Variants in DHRS7C observed in about 807,000 individuals in gnomAD.
The protein encoded by DHRS7C is dehydrogenase/reductase 7C.
Under a neutral mutation model 29.6 loss-of-function variants are expected in DHRS7C, and 28 were observed. The observed-to-expected ratio is 0.95, with a 90% CI of 0.70 to 1.30. The LOEUF (loss-of-function observed/expected upper bound fraction) is 1.30. Among genes scored for constraint, DHRS7C ranks in the 50% most tolerant of loss-of-function variants. The pLI, the probability that DHRS7C is intolerant of heterozygous loss-of-function variation, is 0.00. For synonymous variants in DHRS7C, 158 were observed against 160.2 expected (o/e 0.99, Z 0.10); for missense variants, 403 against 393.3 (o/e 1.02, Z -0.21).
chr17:9,780,060 G>C (rs2066385130), intron 2 of DHRS7C, 25 bp from the exon 3 acceptor site: 1 of 1,607,404 alleles, frequency 6.2e-7, no homozygotes, highest in African/African-American at 1.3e-5. Context: ...AGAGAGTCAG[G>C]GTATGTGTGA....
At chr17:9,787,385 A>G (rs1258418675) in intron 1 of DHRS7C, among the ~76,000 whole-genome samples, 1 of 151,846 alleles carries the variant, frequency 6.6e-6, no homozygotes, top group Non-Finnish European at 1.5e-5. Context: ...TTCGCCACTA[A>G]CACCTTGCCT....
chr17:9,773,552 G>A (rs2066343781), intron 4 of DHRS7C, among the ~76,000 whole-genome samples: 1 of 152,086 alleles, frequency 6.6e-6, no homozygotes, highest in Admixed American at 6.6e-5. Flanking sequence ...CATCTGGGGT[G>A]TGATGCACCC....
At chr17:9,777,336 G>GGCA (rs996299673) in intron 3 of DHRS7C, 51 bp from the exon 4 acceptor site, 1 of 1,496,608 alleles carries the variant, frequency 6.7e-7, no homozygotes, top group African/African-American at 1.4e-5. Flanking sequence ...GACTGAGTTA[G>GGCA]GCAGCAGCAG....
At chr17:9,783,927 T>G (rs2066407338) in intron 1 of DHRS7C, among the ~76,000 whole-genome samples, 1 of 146,638 alleles carries the variant, frequency 6.8e-6, no homozygotes, top group Admixed American at 7.0e-5. Flanking sequence ...GGCAACAGAG[T>G]GAGACTCTGT....
chr17:9,779,821 A>G lies in DHRS7C; in HGVS notation c.478+4T>C. Reference sequence around the variant, plus strand: ...TACCCATGGGAAAGTCAAACTCACGAGACCTTTCGTCAATGTGATGGGGCC... The same window carrying G: ...TACCCATGGGAAAGTCAAACTCACGGGACCTTTCGTCAATGTGATGGGGCC... On this transcript the variant is annotated splice_donor_region_variant and intron_variant, in intron 3 of 5. Coordinates refer to ENST00000571134, the MANE Select transcript of DHRS7C (RefSeq NM_001105571.3). 2 of 1,610,348 alleles carry G rather than the reference A, an allele frequency of 1.2e-6. No individual in the cohort carries two copies. The highest frequency in any genetic ancestry group is 2.7e-5 in the African/African-American group (2 of 75,016).
At chr17:9,773,427 C>T (rs778366818) in intron 4 of DHRS7C, among the ~76,000 whole-genome samples, 13 of 152,130 alleles carry the variant, frequency 8.5e-5, no homozygotes, top group Non-Finnish European at 1.5e-4. Context: ...AGGTAATCCA[C>T]TCACCAAATC....
intron 1 of DHRS7C, among the ~76,000 whole-genome samples, 185 bp from the exon 2 acceptor site, chr17:9,781,779 T>G (rs566714732): frequency 6.6e-6 from 1 of 152,344 alleles, no homozygotes; most frequent in East Asian, 1.9e-4. Flanking sequence ...AGCCTCTGCT[T>G]AGTTGCTTCC....
intron 3 of DHRS7C, among the ~76,000 whole-genome samples, chr17:9,777,684 C>T (rs1304540656): frequency 6.6e-6 from 1 of 152,102 alleles, no homozygotes. Context: ...AACAGACGCT[C>T]ATCTCGGTAG....
Position 9,773,026 on chromosome 17 carries a change from G to T in DHRS7C, c.572-104C>A, listed in dbSNP as rs950328112. ...GCCGACAGACACATTTCCTACAGGC[G>T]CAGAGCTGGGAAGATCCTCAAGAAT... On this transcript the variant is annotated intron_variant, in intron 4 of 5. Transcript: ENST00000571134. The T allele has an allele frequency of 6.5e-5, 89 of 1,377,586 alleles. No individual in the cohort carries two copies. In the Admixed American group the frequency reaches 7.6e-4, roughly 12 times the overall value. 85.3% of individuals were successfully genotyped at this position (1,377,586 alleles called of 1,614,324 possible). A position where few individuals can be genotyped will look rare whatever the true frequency, so the allele number is the denominator to read the frequency against.
chr17:9,788,633 G>A (rs576131048), intron 1 of DHRS7C, among the ~76,000 whole-genome samples: 14 of 152,186 alleles, frequency 9.2e-5, no homozygotes, highest in Non-Finnish European at 1.6e-4. Context: ...GATTTCCCTA[G>A]TAAACAACTT....
chr17:9,784,539 T>A (rs145290408), intron 1 of DHRS7C, among the ~76,000 whole-genome samples: 70 of 151,972 alleles, frequency 4.6e-4, no homozygotes, highest in African/African-American at 1.6e-3. Context: ...AAAACACCCA[T>A]AAGTAAAGGA....
intron 1 of DHRS7C, among the ~76,000 whole-genome samples, chr17:9,784,020 C>T (rs1286218084): frequency 6.6e-6 from 1 of 150,430 alleles, no homozygotes; most frequent in South Asian, 2.1e-4. Flanking sequence ...ATGCATTACA[C>T]CAAAATATAC....
chr17:9,780,131 T>A, intron 2 of DHRS7C, 96 bp from the exon 3 acceptor site: 2 of 1,033,382 alleles, frequency 1.9e-6, no homozygotes, highest in African/African-American at 1.6e-5. Context: ...ATTTTGAAAT[T>A]CAAAGATAAT....
chr17:9,776,600 A>G (rs1195019528), intron 4 of DHRS7C, among the ~76,000 whole-genome samples: 3 of 152,142 alleles, frequency 2.0e-5, no homozygotes, highest in African/African-American at 7.2e-5. Context: ...GAACTAGCTC[A>G]TCAGATGTGG....
At chr17:9,772,565 G>A (rs892673864) in intron 5 of DHRS7C, among the ~76,000 whole-genome samples, 1 of 152,206 alleles carries the variant, frequency 6.6e-6, no homozygotes. Context: ...GCTGTAGGCT[G>A]CAGTGAGGAT....
Position 9,771,693 on chromosome 17 carries a change from A to G in DHRS7C, c.731T>C (p.Phe244Ser), listed in dbSNP as rs751442515. 2.4e-5 allele frequency: 35 copies of G among 1,482,824 alleles called. No homozygotes were observed. In the African/African-American group the frequency reaches 5.0e-4, roughly 21 times the overall value. 91.9% of individuals were successfully genotyped at this position (1,482,824 alleles called of 1,614,324 possible). A position where few individuals can be genotyped will look rare whatever the true frequency, so the allele number is the denominator to read the frequency against. ...CACGCCGTAGGTCAGCTTCCTGAAA[A>G]AGACTGAAAGGCCCCAGTTGGGGGC... ...GNWEASIWKF[F>S]FRKLTYGVHP... is the part of the protein sequence containing the mutation. The change falls in exon 6 of 6, where the codon TTT becomes TCT. Residue 244 changes from phenylalanine (F) to serine (S), a missense_variant. By Grantham distance (155) the Phe-to-Ser change is radical (BLOSUM62 -2). Transcript: ENST00000571134.
rs770382678 is a variant in DHRS7C, at chr17:9,791,313, G to A, written c.-29C>T. On this transcript the variant is annotated 5_prime_UTR_variant, in exon 1 of 6. Coordinates refer to ENST00000571134, the MANE Select transcript of DHRS7C (RefSeq NM_001105571.3). ...GTTCTGGGGGACAACGGAGTAAAAG[G>A]GGATTGGCTTTGCAAAGAGACGCTG... The A allele has an allele frequency of 1.4e-5, 22 of 1,610,532 alleles. No homozygotes were observed. Among genetic ancestry groups the A allele is most frequent in the Non-Finnish European group, 1.8e-5 (21 of 1,178,344 alleles).
In DHRS7C at chr17:9,774,616, T is replaced by C. The variant is rs545775813; in HGVS notation, c.572-1694A>G. 1.3e-5 allele frequency among the ~76,000 whole-genome samples: 2 copies of C among 152,236 alleles called. No homozygotes were observed. Among genetic ancestry groups the C allele is most frequent in the East Asian group, 3.9e-4 (2 of 5,178 alleles). ...GCATGGTTAATGCAGGAAAGAGATG[T>C]GTGCCTGCAGCAGGAGGGACACATG... On this transcript the variant is annotated intron_variant, in intron 4 of 5. Transcript: ENST00000571134. This position sits in a 1 kb window ranked among gnomAD's most constrained non-coding sequence, Gnocchi z 5.0.
intron 4 of DHRS7C, among the ~76,000 whole-genome samples, 160 bp from the exon 5 acceptor site, chr17:9,773,082 A>G (rs553014019): frequency 1.9e-4 from 29 of 152,282 alleles, no homozygotes; most frequent in African/African-American, 2.9e-4. Flanking sequence ...GAGGACAGAG[A>G]GCCCTCGGGA....
Sources: gnomAD v4.1 joint callset for allele counts (sites outside exome capture counted in the v4.1 genomes callset) on GRCh38, gnomAD v4.1.1 for gene constraint, Gnocchi (gnomAD v3.1) non-coding constraint, MANE v1.5 for transcripts, NCBI Gene and HGNC (gene_info 2026-07-23, HGNC 2026-07-21) for gene names.